The following RALGAPA1 variants were observed in gnomAD, a reference collection of about 807,000 sequenced individuals.
RALGAPA1 encodes Ral GTPase activating protein catalytic subunit alpha 1.
In RALGAPA1, 52 loss-of-function variants were observed where a neutral mutation model predicts 269.6. That is an observed-to-expected ratio of 0.19 (90% confidence interval 0.15 to 0.24). RALGAPA1 has a LOEUF of 0.24. Among genes scored for constraint, RALGAPA1 ranks in the 10% least tolerant of loss-of-function variants. The pLI, the probability that RALGAPA1 is intolerant of heterozygous loss-of-function variation, is 1.00. For synonymous variants in RALGAPA1, 817 were observed against 1,008.3 expected, an observed-to-expected ratio of 0.81 and a Z score of 3.60; for missense variants, 1,917 against 3,013.9, an observed-to-expected ratio of 0.64 and a Z score of 8.52.
At chr14:35,608,172 T>C (rs1439278828) in intron 35 of RALGAPA1, among the ~76,000 whole-genome samples, 1 of 152,070 alleles carries the variant, frequency 6.6e-6, no homozygotes, top group Non-Finnish European at 1.5e-5. Context: ...TCCTGGTGCA[T>C]GTGGGACAAA....
chr14:35,599,940 A>G (rs1171651794), intron 36 of RALGAPA1, among the ~76,000 whole-genome samples: 1 of 152,130 alleles, frequency 6.6e-6, no homozygotes, highest in South Asian at 2.1e-4. Context: ...TTCAGAAATT[A>G]AATTATGATG....
chr14:35,762,132 G>T (rs2073754507), intron 5 of RALGAPA1, among the ~76,000 whole-genome samples: 1 of 152,142 alleles, frequency 6.6e-6, no homozygotes, highest in South Asian at 2.1e-4. Flanking sequence ...TCCTTCTGGG[G>T]ACCATAAAGA....
chr14:35,705,807 C>A (rs147838866), intron 16 of RALGAPA1, among the ~76,000 whole-genome samples: 3 of 152,128 alleles, frequency 2.0e-5, no homozygotes, highest in Non-Finnish European at 4.4e-5. Context: ...CACTTCCCTG[C>A]CAGCATTTGG....
rs1371815603 is a variant in RALGAPA1 at position 35,672,855 on chromosome 14, A to C, written c.5073+12T>G. 1 of 1,515,446 alleles carries C rather than the reference A, an allele frequency of 6.6e-7. No homozygotes were observed. The highest frequency in any genetic ancestry group is 1.4e-5 in the African/African-American group (1 of 70,002). 93.9% of individuals were successfully genotyped at this position (1,515,446 alleles called of 1,614,324 possible). ...AAACTACTTCTTAGATGATACATAT[A>C]TATATAGTTACCTGGTCAATATGAA... On this transcript the variant is annotated intron_variant, in intron 25 of 41. Coordinates refer to ENST00000680220, the MANE Select transcript of RALGAPA1 (RefSeq NM_001346249.2).
chr14:35,626,806 A>T (rs1353341961), intron 34 of RALGAPA1, among the ~76,000 whole-genome samples: 2 of 152,146 alleles, frequency 1.3e-5, no homozygotes, highest in East Asian at 1.9e-4. Context: ...TTCTAAAAAA[A>T]AAATTATTAG....
chr14:35,720,215 C>G (rs185740959), intron 16 of RALGAPA1, among the ~76,000 whole-genome samples: 8 of 152,200 alleles, frequency 5.3e-5, no homozygotes, highest in African/African-American at 1.9e-4. Flanking sequence ...TCCCTTATAT[C>G]TTGTCTTATT....
At chr14:35,769,524 T>C (rs2074461758) in intron 4 of RALGAPA1, among the ~76,000 whole-genome samples, 1 of 152,104 alleles carries the variant, frequency 6.6e-6, no homozygotes, top group African/African-American at 2.4e-5. Flanking sequence ...ACCCTAAACC[T>C]CAGCATCATG....
chr14:35,691,711 T>C (rs556532510), intron 17 of RALGAPA1, among the ~76,000 whole-genome samples: 44 of 152,344 alleles, frequency 2.9e-4, no homozygotes, highest in African/African-American at 1.0e-3. Flanking sequence ...CCTATTTGTA[T>C]GAGGTCCAAA....
intron 31 of RALGAPA1, among the ~76,000 whole-genome samples, chr14:35,645,249 G>T (rs2062327152): frequency 6.6e-6 from 1 of 151,700 alleles, no homozygotes; most frequent in Non-Finnish European, 1.5e-5. Context: ...CCTCTCAAAG[G>T]CCCCACCTCC....
At chr14:35,663,212 T>C (rs2063670428) in intron 27 of RALGAPA1, among the ~76,000 whole-genome samples, 1 of 152,140 alleles carries the variant, frequency 6.6e-6, no homozygotes, top group South Asian at 2.1e-4. Flanking sequence ...TTTCTGAGTA[T>C]ATACCAGGTA....
chr14:35,553,252 T>C (rs546243060), intron 39 of RALGAPA1, among the ~76,000 whole-genome samples: 162 of 152,318 alleles, frequency 1.1e-3, no homozygotes, highest in African/African-American at 3.5e-3. Flanking sequence ...TTAAGAAATA[T>C]ACCTGTATTC....
At chr14:35,756,710 G>A in intron 7 of RALGAPA1, 83 bp downstream of exon 7, 1 of 998,118 alleles carries the variant, frequency 1.0e-6, no homozygotes, top group Non-Finnish European at 1.5e-6. Flanking sequence ...TATCTACTAT[G>A]ACAGAATAAT....
intron 1 of RALGAPA1, among the ~76,000 whole-genome samples, chr14:35,795,792 T>C (rs1053487312): frequency 5.8e-5 from 8 of 138,076 alleles, no homozygotes; most frequent in East Asian, 4.2e-4. Flanking sequence ...CTGGGCAACA[T>C]AGCAAAACCC....
At chr14:35,655,628 A>T (rs2063127854) in intron 29 of RALGAPA1, among the ~76,000 whole-genome samples, 179 bp downstream of exon 29, 1 of 152,112 alleles carries the variant, frequency 6.6e-6, no homozygotes, top group African/African-American at 2.4e-5. Flanking sequence ...CACCATAAAG[A>T]TACCCTAAAT....
At chr14:35,741,089 C>A (rs573122805) in intron 11 of RALGAPA1, among the ~76,000 whole-genome samples, 1 of 152,168 alleles carries the variant, frequency 6.6e-6, no homozygotes, top group African/African-American at 2.4e-5. Flanking sequence ...CCTAACATCA[C>A]CAATCTACCC....
At chr14:35,751,676 G>A (rs1245784594) in intron 8 of RALGAPA1, among the ~76,000 whole-genome samples, 2 of 151,776 alleles carry the variant, frequency 1.3e-5, no homozygotes, top group Admixed American at 6.6e-5. Context: ...AGCTACTGGG[G>A]AGGCTGAGAT....
At chr14:35,730,719 G>T (rs2070397409) in intron 12 of RALGAPA1, among the ~76,000 whole-genome samples, 1 of 152,130 alleles carries the variant, frequency 6.6e-6, no homozygotes, top group Non-Finnish European at 1.5e-5. Context: ...CCTCACAGCA[G>T]CTGTAGCAAG....
intron 26 of RALGAPA1, among the ~76,000 whole-genome samples, chr14:35,669,973 T>C (rs2064270795): frequency 6.6e-6 from 1 of 152,150 alleles, no homozygotes; most frequent in Non-Finnish European, 1.5e-5. Context: ...GCTCCGGAGA[T>C]ACCAAGATGA....
chr14:35,734,792 A>C (rs2070823544), intron 12 of RALGAPA1, among the ~76,000 whole-genome samples: 1 of 152,182 alleles, frequency 6.6e-6, no homozygotes, highest in Admixed American at 6.5e-5. Flanking sequence ...AATCTTCACA[A>C]TCTAGACATC....
Sources: gnomAD v4.1 joint callset for allele counts (sites outside exome capture counted in the v4.1 genomes callset) on GRCh38, gnomAD v4.1.1 for gene constraint, MANE v1.5 for transcripts, NCBI Gene and HGNC (gene_info 2026-07-23, HGNC 2026-07-21) for gene names.